The following TASP1 variants were observed in gnomAD, a reference collection of about 807,000 sequenced individuals.
TASP1 encodes threonine aspartase 1.
A neutral mutation model predicts 56.6 loss-of-function variants in TASP1; 16 were observed. The ratio of observed to expected loss-of-function variants is 0.28; its 90% confidence interval spans 0.19 to 0.43. TASP1 has a LOEUF of 0.43. Among genes scored for constraint, TASP1 ranks in the 20% least tolerant of loss-of-function variants. TASP1 has a pLI of 1.00. For missense variants in TASP1, 393 were observed against 511.6 expected (o/e 0.77, Z 2.24); for synonymous variants, 179 against 184.2 (o/e 0.97, Z 0.23).
chr20:13,310,639 T>C, the TASP1 span, among the ~76,000 whole-genome samples: 97 of 152,310 alleles, frequency 6.4e-4, no homozygotes, highest in South Asian at 8.9e-3. Context: ...AGAAAAATTA[T>C]GGGCTGAGAG....
At chr20:13,613,313 T>G (rs968006615) in intron 4 of TASP1, among the ~76,000 whole-genome samples, 5 of 152,182 alleles carry the variant, frequency 3.3e-5, no homozygotes, top group African/African-American at 1.2e-4. Flanking sequence ...TCATCCAATT[T>G]AATATCCAGT....
Position 13,452,856 on chromosome 20 carries a change from A to G in TASP1, c.986-17702T>C, listed in dbSNP as rs148250857. Among the ~76,000 whole-genome samples, 27 of 152,210 alleles carry G rather than the reference A, an allele frequency of 1.8e-4. No individual in the cohort carries two copies. In the East Asian group the frequency reaches 3.7e-3, roughly 21 times the overall value. On this transcript the variant is annotated intron_variant, in intron 11 of 13. Coordinates refer to ENST00000337743, the MANE Select transcript of TASP1 (RefSeq NM_017714.3). ...AGCTCTTGACTATTTGGACAATGTG[A>G]ACATTGATAAAGGTCACAAAGAAGA...
At chr20:13,153,027 C>A in the TASP1 span, among the ~76,000 whole-genome samples, 1 of 152,166 alleles carries the variant, frequency 6.6e-6, no homozygotes, top group Middle Eastern at 3.2e-3. Flanking sequence ...TAAAGACAAC[C>A]AATAAGACGA....
At chr20:13,362,082 C>T in the TASP1 span, among the ~76,000 whole-genome samples, 1 of 150,136 alleles carries the variant, frequency 6.7e-6, no homozygotes, top group South Asian at 2.1e-4. Context: ...CTTAATCTCT[C>T]CCACTCTAGG....
chr20:13,200,618 C>T, the TASP1 span, among the ~76,000 whole-genome samples: 1 of 152,156 alleles, frequency 6.6e-6, no homozygotes, highest in Non-Finnish European at 1.5e-5. Flanking sequence ...ATCCACTTGA[C>T]TTAATTTATC....
the TASP1 span, among the ~76,000 whole-genome samples, chr20:13,383,128 G>A: frequency 6.6e-6 from 1 of 152,192 alleles, no homozygotes; most frequent in Non-Finnish European, 1.5e-5. Flanking sequence ...ACAAGAAGGA[G>A]CAGATCCCAG....
At chr20:13,302,407 A>C in the TASP1 span, among the ~76,000 whole-genome samples, 2 of 152,290 alleles carry the variant, frequency 1.3e-5, no homozygotes, top group East Asian at 1.9e-4. Context: ...TTTCAGTCCC[A>C]ATGCTTTAGT....
chr20:13,241,749 G>T, the TASP1 span, among the ~76,000 whole-genome samples: 1 of 152,124 alleles, frequency 6.6e-6, no homozygotes, highest in African/African-American at 2.4e-5. Context: ...TTGGAACAGT[G>T]CTTAGTATTC....
At chr20:13,320,312 G>T in the TASP1 span, among the ~76,000 whole-genome samples, 1 of 152,158 alleles carries the variant, frequency 6.6e-6, no homozygotes, top group Non-Finnish European at 1.5e-5. Flanking sequence ...GCAGAGTTCT[G>T]TGTGATACAT....
rs971511019 is a variant in TASP1 at position 13,519,646 on chromosome 20, C to T, written c.874+8787G>A. Among the ~76,000 whole-genome samples, 8 of 152,118 alleles carry T rather than the reference C, an allele frequency of 5.3e-5. No homozygotes were observed. In the East Asian group the frequency reaches 1.2e-3, roughly 22 times the overall value. ...TCAAAATAATAAGAGCTATCTATGA[C>T]AAACCCACAGCCAATATCGTACTGA... On this transcript the variant is annotated intron_variant, in intron 10 of 13. Transcript: ENST00000337743.
chr20:13,257,024 GA>G, the TASP1 span, among the ~76,000 whole-genome samples: 1 of 152,086 alleles, frequency 6.6e-6, no homozygotes, highest in Non-Finnish European at 1.5e-5. Context: ...AAAGTCTAAT[GA>G]GAGAAGAGAA....
At chr20:13,391,041 G>C (rs2041253521) in intron 13 of TASP1, among the ~76,000 whole-genome samples, 1 of 152,212 alleles carries the variant, frequency 6.6e-6, no homozygotes, top group Admixed American at 6.5e-5. Flanking sequence ...TGGTACCCGT[G>C]CCAGAGGCAA....
intron 11 of TASP1, among the ~76,000 whole-genome samples, chr20:13,474,291 A>G (rs1184877642): frequency 3.3e-5 from 5 of 151,924 alleles, no homozygotes; most frequent in African/African-American, 4.8e-5. Flanking sequence ...TCCCCTCCCA[A>G]TCTTCTCCTA....
the TASP1 span, among the ~76,000 whole-genome samples, chr20:13,163,547 A>G: frequency 1.1e-4 from 17 of 152,280 alleles, no homozygotes; most frequent in African/African-American, 4.1e-4. Context: ...CATTTTAAAG[A>G]TAACTTTGGT....
intron 12 of TASP1, among the ~76,000 whole-genome samples, chr20:13,429,547 C>T (rs1203452239): frequency 2.0e-5 from 3 of 151,752 alleles, no homozygotes; most frequent in African/African-American, 4.8e-5. Context: ...TCAGGGGATG[C>T]CATTTCCCAT....
At chr20:13,153,980 A>C in the TASP1 span, 2 of 1,611,278 alleles carry the variant, frequency 1.2e-6, no homozygotes, top group Admixed American at 3.4e-5. Flanking sequence ...GAATTGATGG[A>C]TTTCACGCCT....
At chr20:13,109,669 C>T in the TASP1 span, among the ~76,000 whole-genome samples, 2 of 152,168 alleles carry the variant, frequency 1.3e-5, no homozygotes, top group Non-Finnish European at 1.5e-5. Flanking sequence ...GAAATCAAGG[C>T]TCAAAGTGTA....
chr20:13,476,512 A>C (rs981196216), intron 11 of TASP1, among the ~76,000 whole-genome samples: 1 of 152,180 alleles, frequency 6.6e-6, no homozygotes, highest in Non-Finnish European at 1.5e-5. Context: ...ATATTTCCTG[A>C]ACTTTAGTAC....
chr20:13,326,316 T>C, the TASP1 span, among the ~76,000 whole-genome samples: 264 of 152,320 alleles, frequency 1.7e-3, 2 homozygotes, highest in African/African-American at 5.9e-3. Flanking sequence ...ATTTCATTTC[T>C]CTAGGGTAAA....
Sources: gnomAD v4.1 joint callset for allele counts (sites outside exome capture counted in the v4.1 genomes callset) on GRCh38, gnomAD v4.1.1 for gene constraint, MANE v1.5 for transcripts, NCBI Gene and HGNC (gene_info 2026-07-23, HGNC 2026-07-21) for gene names.